Variants in MACROD2 observed in about 807,000 individuals in gnomAD.
The protein encoded by MACROD2 is ADP-ribose glycohydrolase MACROD2.
MACROD2 carries 36 observed loss-of-function variants against 70.4 expected under a neutral mutation model. The ratio of observed to expected loss-of-function variants is 0.51; its 90% CI spans 0.39 to 0.68. The LOEUF (loss-of-function observed/expected upper bound fraction) is 0.68, where lower values mean the gene tolerates loss of function less well. MACROD2 is among the 30% of genes least tolerant of loss of function. MACROD2 has a pLI of 0.00. For synonymous variants in MACROD2, 172 were observed against 178.8 expected, an observed-to-expected ratio of 0.96 and a Z score of 0.30; for missense variants, 496 against 538.4, an observed-to-expected ratio of 0.92 and a Z score of 0.78.
chr20:15,255,169 T>G (rs2077188664), intron 6 of MACROD2, among the ~76,000 whole-genome samples: 1 of 152,116 alleles, frequency 6.6e-6, no homozygotes, highest in Non-Finnish European at 1.5e-5. Flanking sequence ...GATTTAAGAT[T>G]ACATTAACTC....
chr20:15,969,705 T>TTA (rs2066200356), intron 13 of MACROD2, among the ~76,000 whole-genome samples: 1 of 152,058 alleles, frequency 6.6e-6, no homozygotes, highest in Non-Finnish European at 1.5e-5. Flanking sequence ...ATTAAGGATC[T>TTA]TATGATAAAG....
At chr20:15,062,940 C>G (rs2075544611) in intron 5 of MACROD2, among the ~76,000 whole-genome samples, 1 of 152,218 alleles carries the variant, frequency 6.6e-6, no homozygotes, top group African/African-American at 2.4e-5. Context: ...GCCAGCACTG[C>G]TCGGCCTTGC....
At chr20:14,800,557 A>G (rs566436889) in intron 5 of MACROD2, among the ~76,000 whole-genome samples, 1 of 152,276 alleles carries the variant, frequency 6.6e-6, no homozygotes, top group East Asian at 1.9e-4. Flanking sequence ...ATGCAATTTA[A>G]GAGTCAGTGG....
rs76798798 is a variant in MACROD2, at chr20:14,816,223, G to A, written c.418+131264G>A. Among the ~76,000 whole-genome samples, 104 of 152,002 alleles carry A rather than the reference G, an allele frequency of 6.8e-4. 1 individual carries two copies. The East Asian group carries it at 0.019, about 27-fold the overall frequency. On this transcript the variant is annotated intron_variant, in intron 5 of 17. Transcript: ENST00000684519. Reference sequence around the variant, plus strand: ...GATGGAAGGAGAGTTTATCAAAAGCGAAAAAATAAACAGATGAGGGATATA... The same window carrying A: ...GATGGAAGGAGAGTTTATCAAAAGCAAAAAAATAAACAGATGAGGGATATA...
intron 7 of MACROD2, among the ~76,000 whole-genome samples, chr20:15,443,058 C>T (rs73270991): frequency 4.6e-5 from 7 of 152,096 alleles, no homozygotes; most frequent in Admixed American, 3.9e-4. Flanking sequence ...AAACTAAAAT[C>T]AATACATTGA....
At chr20:14,641,297 G>A (rs1025013987) in intron 4 of MACROD2, among the ~76,000 whole-genome samples, 4 of 152,152 alleles carry the variant, frequency 2.6e-5, no homozygotes, top group African/African-American at 9.7e-5. Context: ...TTATCTTGCT[G>A]TTTCCACCAC....
At chr20:15,803,571 G>A (rs1003205024) in intron 8 of MACROD2, among the ~76,000 whole-genome samples, 4 of 151,766 alleles carry the variant, frequency 2.6e-5, no homozygotes, top group Non-Finnish European at 5.9e-5. Context: ...TGGTCACTCT[G>A]TTGAAGGGGC....
At chr20:15,412,288 AAAAAAG>A (rs1288667969) in intron 6 of MACROD2, among the ~76,000 whole-genome samples, 3 of 152,296 alleles carry the variant, frequency 2.0e-5, no homozygotes, top group East Asian at 1.9e-4. Context: ...GCATTATTAA[AAAAAAG>A]AAAAAGAAAA....
Position 14,829,033 on chromosome 20 carries a change from C to T in MACROD2, c.418+144074C>T, listed in dbSNP as rs191398057. ...GTTTGCTGTGCCTATCAAGCTATCA[C>T]CTAGGTGTTAAGCCCAGCGTGCATT... On this transcript the variant is annotated intron_variant, in intron 5 of 17. Coordinates refer to ENST00000684519, the MANE Select transcript of MACROD2 (RefSeq NM_001351661.2). 1.8e-4 allele frequency among the ~76,000 whole-genome samples: 27 copies of T among 151,048 alleles called. No homozygotes were observed. In the East Asian group the frequency reaches 5.1e-3, roughly 28 times the overall value.
chr20:15,014,679 G>A (rs1217294667), intron 5 of MACROD2, among the ~76,000 whole-genome samples: 1 of 152,114 alleles, frequency 6.6e-6, no homozygotes, highest in Non-Finnish European at 1.5e-5. Flanking sequence ...GTGTGTGAGT[G>A]TATGTGTGCA....
At chr20:15,860,752 C>T (rs2064414236) in intron 8 of MACROD2, among the ~76,000 whole-genome samples, 1 of 152,154 alleles carries the variant, frequency 6.6e-6, no homozygotes, top group Non-Finnish European at 1.5e-5. Context: ...TTACCTCCTC[C>T]TTTACCTCCC....
Position 15,877,454 on chromosome 20 carries a change from C to G in MACROD2, c.728-8310C>G, listed in dbSNP as rs148415266. ...ATCAGTTGAAGGAAAAAAAAAAGTTCCCTTTTTTTTAAAAGAACAACAAAA... is the reference window on the plus strand; with the variant it reads ...ATCAGTTGAAGGAAAAAAAAAAGTTGCCTTTTTTTTAAAAGAACAACAAAA... On this transcript the variant is annotated intron_variant, in intron 9 of 17. Transcript: ENST00000684519. Among the ~76,000 whole-genome samples the G allele has an allele frequency of 3.3e-3, 502 of 152,006 alleles. 5 individuals are homozygous for G. Among genetic ancestry groups the G allele is most frequent in the African/African-American group, 0.012 (478 of 41,392 alleles).
At chr20:15,118,335 G>A (rs552896026) in intron 5 of MACROD2, among the ~76,000 whole-genome samples, 2 of 152,024 alleles carry the variant, frequency 1.3e-5, no homozygotes, top group South Asian at 2.1e-4. Context: ...TAGGACTACA[G>A]GCATGCGCCA....
chr20:15,142,676 G>C (rs1413765541), intron 5 of MACROD2, among the ~76,000 whole-genome samples: 1 of 130,266 alleles, frequency 7.7e-6, no homozygotes, highest in African/African-American at 3.0e-5. Flanking sequence ...CCCACCCCAT[G>C]ACAGGCCCCG....
intron 6 of MACROD2, among the ~76,000 whole-genome samples, chr20:15,328,633 G>C (rs1233441390): frequency 2.0e-5 from 3 of 151,926 alleles, no homozygotes; most frequent in Non-Finnish European, 4.4e-5. Flanking sequence ...CTAAACCTGG[G>C]GTCTCCCTGC....
chr20:15,514,672 G>A (rs1424416129), intron 8 of MACROD2, among the ~76,000 whole-genome samples: 1 of 152,072 alleles, frequency 6.6e-6, no homozygotes, highest in African/African-American at 2.4e-5. Context: ...ATAATCACAG[G>A]CATTGAAGTA....
At chr20:15,862,935 C>A in intron 9 of MACROD2, 109 bp downstream of exon 9, 1 of 756,502 alleles carries the variant, frequency 1.3e-6, no homozygotes, top group African/African-American at 1.8e-5. Context: ...CATGGTGATC[C>A]TGCCAACTTG....
At chr20:15,857,693 G>A (rs2064372875) in intron 8 of MACROD2, among the ~76,000 whole-genome samples, 1 of 152,170 alleles carries the variant, frequency 6.6e-6, no homozygotes, top group African/African-American at 2.4e-5. Context: ...ACCATTCAGA[G>A]AAATGCAACT....
At chr20:14,355,703 G>A (rs1389495453) in intron 3 of MACROD2, among the ~76,000 whole-genome samples, 1 of 152,154 alleles carries the variant, frequency 6.6e-6, no homozygotes, top group African/African-American at 2.4e-5. Context: ...CTATCAAAAT[G>A]TTTACAGTGG....
Sources: allele counts gnomAD v4.1 joint callset (sites outside exome capture counted in the v4.1 genomes callset), GRCh38; gene constraint gnomAD v4.1.1; transcripts MANE v1.5; gene names NCBI Gene and HGNC (gene_info 2026-07-23, HGNC 2026-07-21).